COL22A1: variants seen among roughly 807,000 people sequenced by gnomAD.
COL22A1 encodes the protein collagen type XXII alpha 1 chain.
A neutral mutation model predicts 248.9 loss-of-function variants in COL22A1; 221 were observed. The observed-to-expected ratio is 0.89, with a 90% confidence interval of 0.80 to 0.99. COL22A1 has a LOEUF of 0.99. Ranked by LOEUF, COL22A1 falls within the 50% of genes least tolerant of loss-of-function variation. The pLI, the probability that COL22A1 is intolerant of heterozygous loss-of-function variation, is 0.00. For missense variants in COL22A1, 2,240 were observed against 2,179.0 expected (o/e 1.03, Z -0.56); for synonymous variants, 891 against 793.4 (o/e 1.12, Z -2.07).
At chr8:138,734,331 C>T (rs1830942233) in intron 23 of COL22A1, among the ~76,000 whole-genome samples, 1 of 152,206 alleles carries the variant, frequency 6.6e-6, no homozygotes, top group Admixed American at 6.5e-5. Context: ...ACTGCAGTTA[C>T]TTAGATTTTA....
At chr8:138,902,739 T>TATACACACACAC (rs763466994) in intron 1 of COL22A1, among the ~76,000 whole-genome samples, 19 of 93,872 alleles carry the variant, frequency 2.0e-4, no homozygotes, top group African/African-American at 8.6e-4. Context: ...TATATATATA[T>TATACACACACAC]ACACACACAC....
chr8:138,796,354 T>G (rs1376213983), intron 12 of COL22A1, among the ~76,000 whole-genome samples: 1 of 149,534 alleles, frequency 6.7e-6, no homozygotes, highest in African/African-American at 2.5e-5. Context: ...TCCTTGTAAA[T>G]GATGAGTAAT....
At chr8:138,698,287 G>C (rs1211980286) in intron 32 of COL22A1, among the ~76,000 whole-genome samples, 1 of 152,180 alleles carries the variant, frequency 6.6e-6, no homozygotes, top group Non-Finnish European at 1.5e-5. Context: ...AGCAACGGCG[G>C]TACAGACGCT....
At chr8:138,680,162 G>A (rs753784861) in intron 39 of COL22A1, among the ~76,000 whole-genome samples, 22 of 152,208 alleles carry the variant, frequency 1.4e-4, no homozygotes, top group Non-Finnish European at 2.8e-4. Flanking sequence ...GGTTAAGAAA[G>A]AACAGAGCAC....
At chr8:138,680,519 C>A (rs891224109) in intron 39 of COL22A1, among the ~76,000 whole-genome samples, 1 of 152,168 alleles carries the variant, frequency 6.6e-6, no homozygotes, top group Non-Finnish European at 1.5e-5. Flanking sequence ...AGTCTTCCTG[C>A]AGTTATAAGG....
At chr8:138,687,817 T>C (rs1294253739) in intron 37 of COL22A1, among the ~76,000 whole-genome samples, 2 of 152,202 alleles carry the variant, frequency 1.3e-5, no homozygotes, top group East Asian at 1.9e-4. Flanking sequence ...TCAGGGAGGA[T>C]CGTTCTTATA....
At chr8:138,812,079 C>T (rs544537501) in intron 8 of COL22A1, among the ~76,000 whole-genome samples, 158 bp from the exon 9 acceptor site, 22 of 152,318 alleles carry the variant, frequency 1.4e-4, no homozygotes, top group African/African-American at 4.6e-4. Context: ...AAAGCCTGGC[C>T]GGCCCAGGCT....
At chr8:138,649,425 A>T (rs1822493023) in intron 46 of COL22A1, among the ~76,000 whole-genome samples, 1 of 152,214 alleles carries the variant, frequency 6.6e-6, no homozygotes. Flanking sequence ...GTATGTTTCC[A>T]GGTGTCAGCA....
chr8:138,721,497 C>T (rs887718439), intron 26 of COL22A1, among the ~76,000 whole-genome samples: 10 of 152,200 alleles, frequency 6.6e-5, no homozygotes, highest in African/African-American at 1.9e-4. Context: ...CCCACCAGAA[C>T]ATTGTTAAAA....
At chr8:138,798,898 C>G (rs987739167) in intron 11 of COL22A1, among the ~76,000 whole-genome samples, 2 of 152,176 alleles carry the variant, frequency 1.3e-5, no homozygotes, top group Non-Finnish European at 2.9e-5. Context: ...ATCTGAGATG[C>G]CTTCAGCCAT....
At position 138,688,807 on chromosome 8, in the gene COL22A1, T is replaced by C. The variant is rs187398887; in HGVS notation, c.2862+110A>G. Reference sequence around the variant, plus strand: ...CTCTCCCTCCTACTTAGTAAACCCCTTCTGATTGCTGGTTCCTAAACCAGG... The same window carrying C: ...CTCTCCCTCCTACTTAGTAAACCCCCTCTGATTGCTGGTTCCTAAACCAGG... On this transcript the variant is annotated intron_variant, in intron 37 of 64. Coordinates refer to ENST00000303045, the MANE Select transcript of COL22A1 (RefSeq NM_152888.3). 4.0e-4 allele frequency: 344 copies of C among 867,292 alleles called. 3 individuals carry two copies. In the East Asian group the frequency reaches 6.8e-3, roughly 17 times the overall value. The allele number at this position is 867,292 out of a possible 1,614,324, so 53.7% of individuals were successfully genotyped here. A position where few individuals can be genotyped will look rare whatever the true frequency, so the allele number is the denominator to read the frequency against.
chr8:138,913,755 C>G lies in COL22A1; in HGVS notation c.-209G>C, dbSNP rs11781190. 0.17 allele frequency: 26,251 copies of G among 152,558 alleles called. 2,504 individuals are homozygous for G. Among genetic ancestry groups the G allele is most frequent in the Middle Eastern group, 0.3 (88 of 294 alleles). 9.5% of individuals were successfully genotyped at this position (152,558 alleles called of 1,614,324 possible). A position where few individuals can be genotyped will look rare whatever the true frequency, so the allele number is the denominator to read the frequency against. On this transcript the variant is annotated 5_prime_UTR_variant, in exon 1 of 65. Transcript: ENST00000303045. ...CACCTGTCAGCCACTCGCCCACTCT[C>G]CCCCAAATAATCTCACAAACTCAGA... is the stretch of plus-strand genomic sequence containing the variant.
Position 138,619,471 on chromosome 8 carries a change from C to T in COL22A1, c.3809G>A (p.Gly1270Asp), listed in dbSNP as rs1819590540. The T allele has an allele frequency of 1.2e-6, 2 of 1,614,028 alleles. No homozygotes were observed. The highest frequency in any genetic ancestry group is 1.3e-5 in the African/African-American group (1 of 74,928). ...CACACTTACAGGTGGGCCTCGGGCA[C>T]CCTCTGGTCCTGGTAGACCTGGCTC... Reference protein sequence around the residue: ...AGEPGLPGPEGARGPPGFKGH... With the variant: ...AGEPGLPGPEDARGPPGFKGH... Residue 1270 changes from glycine to aspartate, a missense_variant, in exon 53 of 65, where the codon GGT becomes GAT. Transcript: ENST00000303045.
At chr8:138,794,232 C>T (rs1816303298) in intron 12 of COL22A1, among the ~76,000 whole-genome samples, 1 of 152,064 alleles carries the variant, frequency 6.6e-6, no homozygotes, top group Admixed American at 6.6e-5. Context: ...ACTAAAAATA[C>T]AAAAATTAGC....
intron 1 of COL22A1, among the ~76,000 whole-genome samples, chr8:138,893,852 A>T (rs1563896696): frequency 6.6e-6 from 1 of 152,252 alleles, no homozygotes; most frequent in Non-Finnish European, 1.5e-5. Context: ...CCATATGGTC[A>T]GTGGACATGG....
At chr8:138,888,683 A>G (rs900462951) in intron 1 of COL22A1, among the ~76,000 whole-genome samples, 1 of 152,206 alleles carries the variant, frequency 6.6e-6, no homozygotes, top group Non-Finnish European at 1.5e-5. Flanking sequence ...AGCACTGTCC[A>G]AAAATGGAAC....
intron 63 of COL22A1, among the ~76,000 whole-genome samples, chr8:138,593,218 G>A (rs917884099): frequency 6.6e-6 from 1 of 152,020 alleles, no homozygotes; most frequent in African/African-American, 2.4e-5. Context: ...GGCCTGTCGG[G>A]GGGTGGGGGT....
intron 47 of COL22A1, among the ~76,000 whole-genome samples, chr8:138,640,242 C>T (rs1236764729): frequency 6.6e-6 from 1 of 152,106 alleles, no homozygotes; most frequent in Non-Finnish European, 1.5e-5. Context: ...TACATTTTTC[C>T]AGAACCATCA....
intron 1 of COL22A1, among the ~76,000 whole-genome samples, chr8:138,898,173 A>G (rs974577310): frequency 2.6e-5 from 4 of 152,204 alleles, no homozygotes; most frequent in African/African-American, 9.6e-5. Context: ...GGACACATTC[A>G]GTCTACAGCA....
Sources: gnomAD v4.1 joint callset for allele counts (sites outside exome capture counted in the v4.1 genomes callset) on GRCh38, gnomAD v4.1.1 for gene constraint, MANE v1.5 for transcripts, NCBI Gene and HGNC (gene_info 2026-07-23, HGNC 2026-07-21) for gene names.